KDM5A: variants seen among roughly 807,000 people sequenced by gnomAD.
KDM5A encodes the protein lysine-specific demethylase 5A.
A neutral mutation model predicts 193.5 loss-of-function variants in KDM5A; 42 were observed. That is an observed-to-expected ratio of 0.22 (90% CI 0.17 to 0.28). The LOEUF is 0.28. KDM5A is among the 10% of genes least tolerant of loss of function. KDM5A has a pLI of 1.00. For missense variants in KDM5A, 1,692 were observed against 2,055.1 expected (o/e 0.82, Z 3.42); for synonymous variants, 796 against 718.1 (o/e 1.11, Z -1.73).
chr12:354,696 G>C (rs1944209452), intron 7 of KDM5A, among the ~76,000 whole-genome samples: 2 of 152,112 alleles, frequency 1.3e-5, no homozygotes, highest in South Asian at 4.1e-4. Context: ...GAGCCCGAGA[G>C]GTGGAGCTTG....
chr12:314,320 C>T (rs2284335), intron 19 of KDM5A, among the ~76,000 whole-genome samples: 10,687 of 152,066 alleles, frequency 0.07, 836 homozygotes, highest in East Asian at 0.35. Flanking sequence ...CTCAGTCTCC[C>T]GAGTAGCTGG....
rs1943152752 is a variant in KDM5A at position 281,404 on chromosome 12, A to T, written c.*4052T>A. 1 of 233,234 alleles carries T rather than the reference A, an allele frequency of 4.3e-6. No homozygotes were observed. The highest frequency in any genetic ancestry group is 8.5e-6 in the Non-Finnish European group (1 of 118,014). 14.4% of individuals were successfully genotyped at this position (233,234 alleles called of 1,614,324 possible). A position where few individuals can be genotyped will look rare whatever the true frequency, so the allele number is the denominator to read the frequency against. Reference sequence around the variant, plus strand: ...GCCCAGTGCACATCATTTGTTGCATAGTGGTGACTGGATATGATCCAGGCC... The same window carrying T: ...GCCCAGTGCACATCATTTGTTGCATTGTGGTGACTGGATATGATCCAGGCC... On this transcript the variant is annotated 3_prime_UTR_variant, in exon 28 of 28. Coordinates refer to ENST00000399788, the MANE Select transcript of KDM5A (RefSeq NM_001042603.3).
intron 8 of KDM5A, among the ~76,000 whole-genome samples, chr12:353,511 A>G (rs1472022783): frequency 1.3e-5 from 2 of 152,204 alleles, no homozygotes; most frequent in Admixed American, 6.5e-5. Flanking sequence ...TTCTAAGTCA[A>G]GTCTCATTAT....
Position 301,584 on chromosome 12 carries a change from T to C in KDM5A, c.4075-4384A>G, listed in dbSNP as rs567188127. On this transcript the variant is annotated intron_variant, in intron 24 of 27. Coordinates refer to ENST00000399788, the MANE Select transcript of KDM5A (RefSeq NM_001042603.3). The stretch of plus-strand genomic sequence containing the variant: ...CACAGCCAATATCATACTGAATGGG[T>C]AAAAACTGGAAGCATTCCCTTTGAA... 1.6e-3 allele frequency among the ~76,000 whole-genome samples: 241 copies of C among 152,172 alleles called. 1 individual carries two copies. The highest frequency in any genetic ancestry group is 5.6e-3 in the African/African-American group (232 of 41,534).
At chr12:291,901 CTTTT>C (rs199559800) in intron 27 of KDM5A, among the ~76,000 whole-genome samples, 6 of 129,896 alleles carry the variant, frequency 4.6e-5, no homozygotes, top group African/African-American at 5.7e-5. Flanking sequence ...TAAAACAATG[CTTTT>C]TTTTTTTTTT....
chr12:300,641 A>G (rs906966426), intron 24 of KDM5A, among the ~76,000 whole-genome samples: 9 of 152,336 alleles, frequency 5.9e-5, no homozygotes, highest in Admixed American at 4.6e-4. Flanking sequence ...AAGAGCAAAC[A>G]AATTCAAAAG....
At chr12:372,947 TG>T (rs1354696662) in intron 3 of KDM5A, among the ~76,000 whole-genome samples, 1 of 152,226 alleles carries the variant, frequency 6.6e-6, no homozygotes, top group African/African-American at 2.4e-5. Context: ...GAAGCCCATT[TG>T]ATCATGGTGG....
chr12:348,086 A>C (rs930895189), intron 10 of KDM5A, among the ~76,000 whole-genome samples: 6 of 152,206 alleles, frequency 3.9e-5, no homozygotes, highest in Admixed American at 6.5e-5. Flanking sequence ...AAACAACCCC[A>C]TCAAAAAGTG....
chr12:344,098 G>C (rs147359360), intron 10 of KDM5A, among the ~76,000 whole-genome samples: 1 of 152,162 alleles, frequency 6.6e-6, no homozygotes, highest in Non-Finnish European at 1.5e-5. Flanking sequence ...AAAACCATGG[G>C]ACGAGAACTT....
intron 6 of KDM5A, 78 bp downstream of exon 6, chr12:356,354 G>T: frequency 1.1e-6 from 1 of 884,774 alleles, no homozygotes; most frequent in Non-Finnish European, 1.9e-6. Flanking sequence ...AGCACAGACT[G>T]CAATTCAAGT....
intron 12 of KDM5A, chr12:333,217 G>A (rs1186646661): frequency 6.6e-6 from 3 of 452,194 alleles, no homozygotes; most frequent in South Asian, 4.3e-5. Flanking sequence ...TCAGGAGTTC[G>A]AGACCAACCT....
chr12:323,707 G>T lies in KDM5A; in HGVS notation c.2043C>A (p.Thr681=), dbSNP rs1294325644. The change falls in exon 15 of 28, where the codon ACC becomes ACA. Residue 681 remains threonine (T), a synonymous_variant. Coordinates refer to ENST00000399788, the MANE Select transcript of KDM5A (RefSeq NM_001042603.3). ...ATGTGAGAGCAGAGAGAAAACATGTGGTTCTGCATGCTGAACACTGCCGCT... is the reference window on the plus strand; with the variant it reads ...ATGTGAGAGCAGAGAGAAAACATGTTGTTCTGCATGCTGAACACTGCCGCT... ...DDERQCSACR[T]TCFLSALTCS... is the part of the protein sequence containing the mutation. 2 of 1,613,838 alleles carry T rather than the reference G, an allele frequency of 1.2e-6. No individual in the cohort carries two copies. The highest frequency in any genetic ancestry group is 8.5e-7 in the Non-Finnish European group (1 of 1,179,788).
chr12:363,780 G>A (rs1307236429), intron 4 of KDM5A, among the ~76,000 whole-genome samples: 1 of 152,030 alleles, frequency 6.6e-6, no homozygotes, highest in African/African-American at 2.4e-5. Context: ...ATAAAAAAAT[G>A]GTTCTTCAAA....
intron 10 of KDM5A, among the ~76,000 whole-genome samples, chr12:343,806 G>A (rs1166090631): frequency 1.3e-5 from 2 of 152,190 alleles, no homozygotes; most frequent in Non-Finnish European, 2.9e-5. Context: ...ACAAAGATGG[G>A]GAGAAACCAG....
At position 307,590 on chromosome 12, in the gene KDM5A, G is replaced by A; in HGVS notation, c.3794C>T (p.Ala1265Val). The A allele has an allele frequency of 6.2e-7, 1 of 1,614,108 alleles. No individual in the cohort carries two copies. Among genetic ancestry groups the A allele is most frequent in the Non-Finnish European group, 8.5e-7 (1 of 1,180,018 alleles). ...CAGGGCAGAGGATAGTTCATCTGTG[G>A]CTAGAGCCTGCCGCGCTCTATCTTG... is the stretch of plus-strand genomic sequence containing the variant. The part of the protein sequence containing the change: ...SWQDRARQAL[A>V]TDELSSALAK... The change falls in exon 23 of 28, where the codon GCC becomes GTC. Residue 1265 changes from alanine (A) to valine (V), a missense_variant. Ala to Val is a moderately conservative substitution (Grantham distance 64, BLOSUM62 0). Coordinates refer to ENST00000399788, the MANE Select transcript of KDM5A (RefSeq NM_001042603.3). This position sits in a 1 kb window ranked among gnomAD's most constrained non-coding sequence, Gnocchi z 4.3.
At chr12:359,630 T>C (rs1224291142) in intron 5 of KDM5A, among the ~76,000 whole-genome samples, 1 of 151,426 alleles carries the variant, frequency 6.6e-6, no homozygotes, top group Non-Finnish European at 1.5e-5. Context: ...TGGTCCCAGC[T>C]ACCTGGGAGG....
At chr12:289,082 A>T (rs1943255990) in intron 27 of KDM5A, among the ~76,000 whole-genome samples, 1 of 152,236 alleles carries the variant, frequency 6.6e-6, no homozygotes, top group Non-Finnish European at 1.5e-5. Context: ...AATAGTAAAA[A>T]TGAGAGTTCA....
At chr12:295,443 G>T in intron 26 of KDM5A, 130 bp downstream of exon 26, 1 of 855,546 alleles carries the variant, frequency 1.2e-6, no homozygotes, top group Non-Finnish European at 2.0e-6. Flanking sequence ...CAATTTCTTT[G>T]GCTGAAGTGG....
intron 3 of KDM5A, among the ~76,000 whole-genome samples, chr12:376,298 G>C (rs1017315581): frequency 6.6e-6 from 1 of 152,154 alleles, no homozygotes; most frequent in Non-Finnish European, 1.5e-5. Context: ...CATCCCCCAG[G>C]CTCGCTGCCA....
Sources: allele counts gnomAD v4.1 joint callset (sites outside exome capture counted in the v4.1 genomes callset), GRCh38; gene constraint gnomAD v4.1.1; non-coding constraint Gnocchi (gnomAD v3.1); transcripts MANE v1.5; gene names NCBI Gene and HGNC (gene_info 2026-07-23, HGNC 2026-07-21).